STRAP: variants seen among roughly 807,000 people sequenced by gnomAD.
The protein encoded by STRAP is serine-threonine kinase receptor-associated protein.
A neutral mutation model predicts 47.0 loss-of-function variants in STRAP; 16 were observed. The ratio of observed to expected loss-of-function variants is 0.34; its 90% CI spans 0.23 to 0.52. The LOEUF (loss-of-function observed/expected upper bound fraction) is 0.52. STRAP is among the 20% of genes least tolerant of loss of function. The pLI, the probability that STRAP is intolerant of heterozygous loss-of-function variation, is 0.96. For missense variants in STRAP, 293 were observed against 420.0 expected (o/e 0.70, Z 2.64); for synonymous variants, 130 against 142.7 (o/e 0.91, Z 0.63).
At chr12:15,889,151 G>A (rs1363743520) in intron 2 of STRAP, among the ~76,000 whole-genome samples, 2 of 151,872 alleles carry the variant, frequency 1.3e-5, no homozygotes, top group East Asian at 3.8e-4. Context: ...TTTATTTGGG[G>A]GAACCCTTTT....
chr12:15,895,420 A>G lies in STRAP; in HGVS notation c.562A>G (p.Ser188Gly). The G allele has an allele frequency of 6.2e-7, 1 of 1,606,288 alleles. No homozygotes were observed. The highest frequency in any genetic ancestry group is 8.5e-7 in the Non-Finnish European group (1 of 1,177,796). Reference sequence around the variant, plus strand: ...TCTAAATTTTAATATGTCTGTTAGTAGTATGGAATATATTCCTGAGGGAGA... The same window carrying G: ...TCTAAATTTTAATATGTCTGTTAGTGGTATGGAATATATTCCTGAGGGAGA... ...KSLNFNMSVS[S>G]MEYIPEGEIL... The change falls in exon 6 of 10, where the codon AGT becomes GGT. Residue 188 changes from serine (S) to glycine (G), a missense_variant. Transcript: ENST00000419869.
chr12:15,895,233 T>C (rs1279937725), intron 5 of STRAP, 126 bp from the exon 6 acceptor site: 6 of 763,992 alleles, frequency 7.9e-6, no homozygotes, highest in Admixed American at 3.7e-5. Flanking sequence ...AATTTGTGAC[T>C]TGGAATGAAT....
intron 2 of STRAP, among the ~76,000 whole-genome samples, chr12:15,886,467 A>G (rs1314056381): frequency 6.6e-6 from 1 of 152,194 alleles, no homozygotes; most frequent in African/African-American, 2.4e-5. Flanking sequence ...GTCGGCTTTC[A>G]TATCTGTAAA....
intron 7 of STRAP, among the ~76,000 whole-genome samples, chr12:15,899,244 T>C (rs890581223): frequency 1.3e-5 from 2 of 152,178 alleles, no homozygotes; most frequent in African/African-American, 4.8e-5. Flanking sequence ...AATAGGAACA[T>C]TGGTCTAGTA....
At chr12:15,883,238 T>G in intron 1 of STRAP, 1 of 1,173,628 alleles carries the variant, frequency 8.5e-7, no homozygotes, top group African/African-American at 1.5e-5. Context: ...GCCTCATTTT[T>G]CAAATGGGAA....
intron 2 of STRAP, among the ~76,000 whole-genome samples, chr12:15,885,180 G>GTTTTTTTTTTTTTTTT (rs749702060): frequency 3.0e-5 from 3 of 99,572 alleles, no homozygotes; most frequent in African/African-American, 1.3e-4. Flanking sequence ...TACAAGTGGT[G>GTTTTTTTTTTTTTTTT]TTTTTTTTTT....
At chr12:15,899,162 C>CT (rs1204411100) in intron 7 of STRAP, among the ~76,000 whole-genome samples, 1 of 152,178 alleles carries the variant, frequency 6.6e-6, no homozygotes, top group Non-Finnish European at 1.5e-5. Context: ...TAGCCTTTCT[C>CT]TTTCCAAAAC....
At position 15,890,550 on chromosome 12, in the gene STRAP, A is replaced by G. The variant is rs769167005; in HGVS notation, c.331-47A>G. On this transcript the variant is annotated intron_variant, in intron 3 of 9. Coordinates refer to ENST00000419869, the MANE Select transcript of STRAP (RefSeq NM_007178.4). The surrounding 1 kb of genome is among the most constrained non-coding windows in gnomAD (Gnocchi z 4.5). ...TGGTGTTGAAATTTGAAAGAGAAAT[A>G]ACTATTAAAATGGTTAATCTATTCA... is the stretch of plus-strand genomic sequence containing the variant. 3.4e-6 allele frequency: 5 copies of G among 1,453,008 alleles called. No homozygotes were observed. Among genetic ancestry groups the G allele is most frequent in the African/African-American group, 2.9e-5 (2 of 70,148 alleles). The allele number at this position is 1,453,008 out of a possible 1,614,324, so 90.0% of individuals were successfully genotyped here.
chr12:15,889,807 A>G, intron 2 of STRAP, 121 bp from the exon 3 acceptor site: 1 of 674,476 alleles, frequency 1.5e-6, no homozygotes, highest in Non-Finnish European at 2.5e-6. Flanking sequence ...GATTTATAAT[A>G]CATTTATGTA....
In STRAP at chr12:15,887,354, A is replaced by G. The variant is rs1799174808; in HGVS notation, c.249-2574A>G. Among the ~76,000 whole-genome samples, 1 of 152,210 alleles carries G rather than the reference A, an allele frequency of 6.6e-6. No homozygotes were observed. Among genetic ancestry groups the G allele is most frequent in the Admixed American group, 6.5e-5 (1 of 15,278 alleles). ...ACAGTAGTTTAAGGAGATGACAAGT[A>G]CTTCGTGGGATGTGAAGAAAATGTT... On this transcript the variant is annotated intron_variant, in intron 2 of 9. Transcript: ENST00000419869. The surrounding 1 kb of genome is among the most constrained non-coding windows in gnomAD (Gnocchi z 5.5).
At chr12:15,899,399 A>G (rs1033318057) in intron 7 of STRAP, among the ~76,000 whole-genome samples, 2 of 152,242 alleles carry the variant, frequency 1.3e-5, no homozygotes, top group African/African-American at 2.4e-5. Flanking sequence ...TTTATGGATC[A>G]TTGTTGATCT....
rs1022546713 is a variant in STRAP, at chr12:15,890,560, A to G, written c.331-37A>G. The G allele has an allele frequency of 4.6e-6, 7 of 1,507,070 alleles. No homozygotes were observed. The highest frequency in any genetic ancestry group is 1.2e-5 in the South Asian group (1 of 84,764). 93.4% of individuals were successfully genotyped at this position (1,507,070 alleles called of 1,614,324 possible). On this transcript the variant is annotated intron_variant, in intron 3 of 9. Coordinates refer to ENST00000419869, the MANE Select transcript of STRAP (RefSeq NM_007178.4). The surrounding 1 kb of genome is among the most constrained non-coding windows in gnomAD (Gnocchi z 4.5). The stretch of plus-strand genomic sequence containing the variant: ...ATTTGAAAGAGAAATAACTATTAAA[A>G]TGGTTAATCTATTCACATTTTACTT...
chr12:15,899,916 G>T lies in STRAP; in HGVS notation c.788G>T (p.Gly263Val). ...NSGEELESYK[G>V]HFGPIHCVRF... ...TCTTCTTTTTCAGAATCCTACAAGG[G>T]ACACTTTGGTCCTATTCACTGTGTG... is the stretch of plus-strand genomic sequence containing the variant. The change falls in exon 8 of 10, where the codon GGA becomes GTA. Residue 263 changes from glycine to valine, a missense_variant. Around this residue, in one of 5 missense-constraint regions of STRAP, gnomAD observed 26 missense variants for 76.7 expected, o/e 0.34. Coordinates refer to ENST00000419869, the MANE Select transcript of STRAP (RefSeq NM_007178.4). The T allele has an allele frequency of 6.2e-7, 1 of 1,612,502 alleles. No homozygotes were observed. Among genetic ancestry groups the T allele is most frequent in the South Asian group, 1.1e-5 (1 of 90,888 alleles).
In STRAP at chr12:15,894,202, A is replaced by G; in HGVS notation, c.500+59A>G. The G allele has an allele frequency of 2.9e-6, 4 of 1,398,014 alleles. No individual in the cohort carries two copies. The highest frequency in any genetic ancestry group is 4.0e-6 in the Non-Finnish European group (4 of 991,184). The allele number at this position is 1,398,014 out of a possible 1,614,324, so 86.6% of individuals were successfully genotyped here. A position where few individuals can be genotyped will look rare whatever the true frequency, so the allele number is the denominator to read the frequency against. ...AGGCCGGGCATGGTGGCTCACGCCT[A>G]TAATCTCAGCACTTTGGGAGGCGAG... On this transcript the variant is annotated intron_variant, in intron 5 of 9. Transcript: ENST00000419869. This position sits in a 1 kb window ranked among gnomAD's most constrained non-coding sequence, Gnocchi z 4.9.
At chr12:15,884,850 G>C (rs1244033605) in intron 2 of STRAP, among the ~76,000 whole-genome samples, 1 of 152,094 alleles carries the variant, frequency 6.6e-6, no homozygotes, top group East Asian at 1.9e-4. Flanking sequence ...GCCCTTTACA[G>C]TTTGCTTCAT....
At chr12:15,886,177 C>G (rs758589854) in intron 2 of STRAP, among the ~76,000 whole-genome samples, 41 of 151,884 alleles carry the variant, frequency 2.7e-4, no homozygotes, top group Non-Finnish European at 5.1e-4. Flanking sequence ...CTGTGTATTT[C>G]CAGTTTGATC....
At chr12:15,898,277 T>A in intron 7 of STRAP, 1 of 216,504 alleles carries the variant, frequency 4.6e-6, no homozygotes, top group Non-Finnish European at 9.0e-6. Context: ...ATGTTATGTA[T>A]TATGGTACAG....
In STRAP at chr12:15,887,912, C is replaced by T. The variant is rs986993763; in HGVS notation, c.249-2016C>T. On this transcript the variant is annotated intron_variant, in intron 2 of 9. Transcript: ENST00000419869. The surrounding 1 kb of genome is among the most constrained non-coding windows in gnomAD (Gnocchi z 5.5). ...AATTAGCATATCAAAGGACATTGCCCGGGTTTCTTTGGAGACTTGTGAATA... is the reference window on the plus strand; with the variant it reads ...AATTAGCATATCAAAGGACATTGCCTGGGTTTCTTTGGAGACTTGTGAATA... 3.9e-5 allele frequency among the ~76,000 whole-genome samples: 6 copies of T among 151,904 alleles called. No individual in the cohort carries two copies. Among genetic ancestry groups the T allele is most frequent in the African/African-American group, 7.3e-5 (3 of 41,364 alleles).
chr12:15,889,549 T>C (rs1026928269), intron 2 of STRAP, among the ~76,000 whole-genome samples: 3 of 152,180 alleles, frequency 2.0e-5, no homozygotes, highest in Admixed American at 6.5e-5. Context: ...AAAATTGGCA[T>C]GGTGAAACTA....
Sources: allele counts gnomAD v4.1 joint callset (sites outside exome capture counted in the v4.1 genomes callset), GRCh38; gene constraint gnomAD v4.1.1; regional missense constraint gnomAD v4.1.1; non-coding constraint Gnocchi (gnomAD v3.1); transcripts MANE v1.5; gene names NCBI Gene and HGNC (gene_info 2026-07-23, HGNC 2026-07-21).